The following ASIC2 variants were observed in gnomAD, a reference collection of about 807,000 sequenced individuals.
The protein encoded by ASIC2 is acid sensing ion channel subunit 2, also known as acid-sensing ion channel 2.
In ASIC2, 25 loss-of-function variants were observed where a neutral mutation model predicts 57.3. The ratio of observed to expected loss-of-function variants is 0.44; its 90% CI spans 0.32 to 0.61. The LOEUF (loss-of-function observed/expected upper bound fraction) is 0.61. Among genes scored for constraint, ASIC2 ranks in the 20% least tolerant of loss-of-function variants. The pLI is 0.06. For missense variants in ASIC2, 641 were observed against 738.1 expected, an observed-to-expected ratio of 0.87 and a Z score of 1.52; for synonymous variants, 319 against 307.5, an observed-to-expected ratio of 1.04 and a Z score of -0.39.
intron 1 of ASIC2, among the ~76,000 whole-genome samples, chr17:33,761,841 T>C (rs2142113029): frequency 6.6e-6 from 1 of 151,792 alleles, no homozygotes; most frequent in South Asian, 2.1e-4. Flanking sequence ...AAGGGCTTTT[T>C]TTTTTTTTTT....
At chr17:33,369,441 T>C (rs1908956576) in intron 1 of ASIC2, among the ~76,000 whole-genome samples, 1 of 152,224 alleles carries the variant, frequency 6.6e-6, no homozygotes, top group Non-Finnish European at 1.5e-5. Flanking sequence ...ACTTTACTTT[T>C]TTGAGGCTTC....
At chr17:33,108,282 A>G (rs1176725120) in intron 2 of ASIC2, among the ~76,000 whole-genome samples, 1 of 152,184 alleles carries the variant, frequency 6.6e-6, no homozygotes, top group Non-Finnish European at 1.5e-5. Flanking sequence ...TCAAACTGCC[A>G]CGGGCACATT....
At chr17:33,061,479 T>C (rs2092020320) in intron 3 of ASIC2, among the ~76,000 whole-genome samples, 1 of 152,242 alleles carries the variant, frequency 6.6e-6, no homozygotes, top group Admixed American at 6.5e-5. Context: ...GATTTGCGTA[T>C]GTTGAACCAG....
intron 1 of ASIC2, among the ~76,000 whole-genome samples, chr17:33,648,735 T>C (rs1206601275): frequency 2.6e-5 from 4 of 152,248 alleles, no homozygotes; most frequent in Non-Finnish European, 4.4e-5. Context: ...CTTGAGCTTA[T>C]TGTTGATTCA....
intron 1 of ASIC2, among the ~76,000 whole-genome samples, chr17:33,492,031 G>A (rs191511353): frequency 5.3e-5 from 8 of 152,256 alleles, no homozygotes; most frequent in South Asian, 2.1e-4. Flanking sequence ...CTTCTCCCTG[G>A]CAGCTGAAAT....
At chr17:33,595,916 C>G (rs1418317264) in intron 1 of ASIC2, among the ~76,000 whole-genome samples, 1 of 152,196 alleles carries the variant, frequency 6.6e-6, no homozygotes, top group Non-Finnish European at 1.5e-5. Context: ...TTTCTGGAGC[C>G]TCTTCTGTTG....
chr17:33,046,214 T>C (rs1001758065), intron 3 of ASIC2, among the ~76,000 whole-genome samples: 3 of 152,140 alleles, frequency 2.0e-5, no homozygotes, highest in Non-Finnish European at 4.4e-5. Context: ...GGCAGGGGAT[T>C]GGGGTGGGGT....
At chr17:33,496,657 G>A (rs771574817) in intron 1 of ASIC2, among the ~76,000 whole-genome samples, 15 of 119,684 alleles carry the variant, frequency 1.3e-4, no homozygotes, top group Non-Finnish European at 1.8e-4. Flanking sequence ...TCACTCTGTC[G>A]CCCAGGCTGG....
intron 3 of ASIC2, among the ~76,000 whole-genome samples, chr17:33,038,370 T>C (rs954132123): frequency 1.3e-5 from 2 of 152,236 alleles, no homozygotes; most frequent in Non-Finnish European, 2.9e-5. Context: ...TTTCTTGTGA[T>C]AATGACTCCT....
chr17:33,621,070 A>G (rs955579843), intron 1 of ASIC2, among the ~76,000 whole-genome samples: 1 of 152,176 alleles, frequency 6.6e-6, no homozygotes, highest in African/African-American at 2.4e-5. Context: ...TGAGAGCTGA[A>G]CTAAAGTGCC....
chr17:34,075,823 CTTTTTTTTTT>C (rs57703083), intron 1 of ASIC2, among the ~76,000 whole-genome samples: 2 of 77,546 alleles, frequency 2.6e-5, no homozygotes, highest in Non-Finnish European at 2.3e-5. Flanking sequence ...TTTCTTTTTC[CTTTTTTTTTT>C]TTTTTTTTTT....
intron 1 of ASIC2, among the ~76,000 whole-genome samples, chr17:34,055,213 G>A (rs1459772702): frequency 2.0e-5 from 3 of 152,172 alleles, no homozygotes; most frequent in African/African-American, 7.2e-5. Context: ...AAGCCACGAA[G>A]AGACACGATT....
Position 33,292,306 on chromosome 17 carries a change from G to T in ASIC2, c.-191C>A, listed in dbSNP as rs1827186986. 7 of 986,570 alleles carry T rather than the reference G, an allele frequency of 7.1e-6. 1 individual carries two copies. In the South Asian group the frequency reaches 3.3e-4, roughly 46 times the overall value. The allele number at this position is 986,570 out of a possible 1,614,324, so 61.1% of individuals were successfully genotyped here. ...CGCCGCCGCTGCCGCCTCCGCGGGC[G>T]CCCGCCCGGGGCTGAGCGCCGCCTC... On this transcript the variant is annotated 5_prime_UTR_variant, in exon 1 of 10. Transcript: ENST00000225823.
chr17:33,092,634 G>A (rs538986937), intron 2 of ASIC2, among the ~76,000 whole-genome samples: 1 of 152,366 alleles, frequency 6.6e-6, no homozygotes, highest in African/African-American at 2.4e-5. Context: ...GAAGGGAAGT[G>A]ACTTGCCCAA....
intron 1 of ASIC2, among the ~76,000 whole-genome samples, chr17:33,665,793 G>A (rs763349254): frequency 5.3e-5 from 8 of 152,116 alleles, no homozygotes; most frequent in East Asian, 1.9e-4. Flanking sequence ...CAGAGGTCTC[G>A]AGGGGAGGTT....
At chr17:33,748,382 A>C (rs1303534822) in intron 1 of ASIC2, among the ~76,000 whole-genome samples, 1 of 152,230 alleles carries the variant, frequency 6.6e-6, no homozygotes, top group African/African-American at 2.4e-5. Context: ...CATCCAGAGC[A>C]GTTTATGGAA....
chr17:33,017,536 T>A (rs2091813516), intron 8 of ASIC2, 69 bp downstream of exon 8: 1 of 1,372,058 alleles, frequency 7.3e-7, no homozygotes, highest in Non-Finnish European at 1.0e-6. Context: ...TCTACTATGA[T>A]TCTGAACCTG....
intron 1 of ASIC2, among the ~76,000 whole-genome samples, chr17:33,509,246 G>A (rs973547084): frequency 5.8e-4 from 89 of 152,140 alleles, no homozygotes; most frequent in African/African-American, 2.1e-3. Flanking sequence ...TTGGACTTTA[G>A]CATGTAGGTA....
chr17:33,389,549 C>T (rs956767407), intron 1 of ASIC2, among the ~76,000 whole-genome samples: 7 of 152,064 alleles, frequency 4.6e-5, no homozygotes, highest in African/African-American at 7.2e-5. Flanking sequence ...AGAGCAAAGA[C>T]AACATGAAAA....
Sources: allele counts gnomAD v4.1 joint callset (sites outside exome capture counted in the v4.1 genomes callset), GRCh38; gene constraint gnomAD v4.1.1; transcripts MANE v1.5; gene names NCBI Gene and HGNC (gene_info 2026-07-23, HGNC 2026-07-21).